Variants in TRIM26 observed in about 807,000 individuals in gnomAD.
TRIM26 encodes tripartite motif containing 26.
Under a neutral mutation model 45.5 loss-of-function variants are expected in TRIM26, and 16 were observed. The ratio of observed to expected loss-of-function variants is 0.35; its 90% CI spans 0.24 to 0.53. The LOEUF (loss-of-function observed/expected upper bound fraction) is 0.53. TRIM26 is among the 20% of genes least tolerant of loss of function. The pLI, the probability that TRIM26 is intolerant of heterozygous loss-of-function variation, is 0.92. For missense variants in TRIM26, 442 were observed against 691.1 expected, an observed-to-expected ratio of 0.64 and a Z score of 4.04; for synonymous variants, 273 against 290.4, an observed-to-expected ratio of 0.94 and a Z score of 0.61.
chr6:30,198,652 T>G lies in TRIM26; in HGVS notation c.438+14A>C. On this transcript the variant is annotated intron_variant, in intron 4 of 9. Transcript: ENST00000454678. The surrounding 1 kb of genome is among the most constrained non-coding windows in gnomAD (Gnocchi z 6.3). ...GAAGGTGGCAAGGCACCCTCGGGGGTGAAGAGGGCTTACCCTGTGGGGCTG... is the reference window on the plus strand; with the variant it reads ...GAAGGTGGCAAGGCACCCTCGGGGGGGAAGAGGGCTTACCCTGTGGGGCTG... 6.2e-7 allele frequency: 1 copy of G among 1,603,126 alleles called. No homozygotes were observed. Among genetic ancestry groups the G allele is most frequent in the South Asian group, 1.1e-5 (1 of 90,846 alleles).
At chr6:30,200,108 T>C (rs1776993024) in intron 3 of TRIM26, among the ~76,000 whole-genome samples, 1 of 152,060 alleles carries the variant, frequency 6.6e-6, no homozygotes, top group Admixed American at 6.6e-5. Flanking sequence ...CTGTCTCAAC[T>C]AAAAAAATTT....
chr6:30,194,983 AG>A (rs1367227555), intron 6 of TRIM26, among the ~76,000 whole-genome samples: 2 of 152,208 alleles, frequency 1.3e-5, no homozygotes, highest in African/African-American at 4.8e-5. Flanking sequence ...AAACAAAAAA[AG>A]AAACCTACCA....
intron 3 of TRIM26, 104 bp from the exon 4 acceptor site, chr6:30,199,368 T>C: frequency 4.8e-6 from 2 of 414,914 alleles, no homozygotes; most frequent in Non-Finnish European, 8.5e-6. Flanking sequence ...ATTAGCTTGG[T>C]AGAGTGAAGA....
At position 30,189,063 on chromosome 6, in the gene TRIM26, G is replaced by A; in HGVS notation, c.937+104C>T. On this transcript the variant is annotated intron_variant, in intron 9 of 9. Transcript: ENST00000454678. This position sits in a 1 kb window ranked among gnomAD's most constrained non-coding sequence, Gnocchi z 5.0. ...ATTGTGCAGCTGGGAAATTCTTCCT[G>A]TTGCAAAAGGGGCTACCTGGGGGAA... 1 of 1,309,534 alleles carries A rather than the reference G, an allele frequency of 7.6e-7. No individual in the cohort carries two copies. The highest frequency in any genetic ancestry group is 1.1e-6 in the Non-Finnish European group (1 of 943,190). 81.1% of individuals were successfully genotyped at this position (1,309,534 alleles called of 1,614,324 possible).
At chr6:30,192,936 T>C (rs981901757) in intron 6 of TRIM26, among the ~76,000 whole-genome samples, 1 of 151,490 alleles carries the variant, frequency 6.6e-6, no homozygotes, top group Non-Finnish European at 1.5e-5. Context: ...ATGTTCTTGG[T>C]TCCTTTGTTG....
rs1463730003 is a variant in TRIM26 at position 30,198,332 on chromosome 6, G to A, written c.534+97C>T. 15 of 1,324,630 alleles carry A rather than the reference G, an allele frequency of 1.1e-5. No individual in the cohort carries two copies. The highest frequency in any genetic ancestry group is 1.5e-5 in the African/African-American group (1 of 68,948). 82.1% of individuals were successfully genotyped at this position (1,324,630 alleles called of 1,614,324 possible). A position where few individuals can be genotyped will look rare whatever the true frequency, so the allele number is the denominator to read the frequency against. On this transcript the variant is annotated intron_variant, in intron 5 of 9. Coordinates refer to ENST00000454678, the MANE Select transcript of TRIM26 (RefSeq NM_003449.5). This position sits in a 1 kb window ranked among gnomAD's most constrained non-coding sequence, Gnocchi z 6.3. ...GACACCCATCCTCCCTGTGAGCAGC[G>A]CCTAGAAACACCTCCCAGCTGCCGC...
rs1775674482 is a variant in TRIM26, at chr6:30,190,166, C to G, written c.766-131G>C. ...CAAATGTGGTCCCTTTTTTATGGAGCTGACATTCCAGTGGGGTCACTGCAT... is the reference window on the plus strand; with the variant it reads ...CAAATGTGGTCCCTTTTTTATGGAGGTGACATTCCAGTGGGGTCACTGCAT... On this transcript the variant is annotated intron_variant, in intron 6 of 9. Transcript: ENST00000454678. The surrounding 1 kb of genome is among the most constrained non-coding windows in gnomAD (Gnocchi z 4.3). 1 of 974,958 alleles carries G rather than the reference C, an allele frequency of 1.0e-6. No homozygotes were observed. Among genetic ancestry groups the G allele is most frequent in the Non-Finnish European group, 1.6e-6 (1 of 636,562 alleles). 60.4% of individuals were successfully genotyped at this position (974,958 alleles called of 1,614,324 possible).
Position 30,186,175 on chromosome 6 carries a change from C to T in TRIM26, c.1321G>A (p.Val441Met). ...TTCCTCTTCACAGAGTCTCTAGCCA[C>T]CCCCACCATGCAGCTTTCCAGAACT... ...EEVLESCMVG[V>M]ARDSVKRKGD... The change falls in exon 10 of 10, where the codon GTG becomes ATG. Residue 441 changes from valine (V) to methionine (M), a missense_variant. Val to Met is a conservative substitution (Grantham distance 21). Transcript: ENST00000454678. This position sits in a 1 kb window ranked among gnomAD's most constrained non-coding sequence, Gnocchi z 7.4. The T allele has an allele frequency of 6.3e-7, 1 of 1,597,576 alleles. No individual in the cohort carries two copies. The highest frequency in any genetic ancestry group is 1.7e-4 in the Middle Eastern group (1 of 6,046).
chr6:30,196,043 C>G lies in TRIM26; in HGVS notation c.765+473G>C, dbSNP rs1282032904. Among the ~76,000 whole-genome samples the G allele has an allele frequency of 6.6e-6, 1 of 152,176 alleles. No individual in the cohort carries two copies. Among genetic ancestry groups the G allele is most frequent in the Non-Finnish European group, 1.5e-5 (1 of 68,036 alleles). On this transcript the variant is annotated intron_variant, in intron 6 of 9. Transcript: ENST00000454678. This position sits in a 1 kb window ranked among gnomAD's most constrained non-coding sequence, Gnocchi z 4.9. Reference sequence around the variant, plus strand: ...GGTAATCCCATGGGCCAAAGAAAACCTGGCCATCTCTGTCTCCCTTCCCCA... The same window carrying G: ...GGTAATCCCATGGGCCAAAGAAAACGTGGCCATCTCTGTCTCCCTTCCCCA...
At chr6:30,208,222 A>G (rs909775665) in intron 1 of TRIM26, among the ~76,000 whole-genome samples, 2 of 152,242 alleles carry the variant, frequency 1.3e-5, no homozygotes, top group South Asian at 4.1e-4. Context: ...CTTTCTCTCC[A>G]GCAAGATGGT....
At chr6:30,212,415 T>C (rs117964371) in intron 1 of TRIM26, among the ~76,000 whole-genome samples, 205 of 152,338 alleles carry the variant, frequency 1.3e-3, no homozygotes, top group East Asian at 0.011. Context: ...TGTATTGATA[T>C]TGGTTAACTG....
intron 3 of TRIM26, among the ~76,000 whole-genome samples, 187 bp downstream of exon 3, chr6:30,200,848 G>T (rs1489408195): frequency 1.3e-5 from 2 of 152,232 alleles, no homozygotes; most frequent in Non-Finnish European, 2.9e-5. Context: ...AAAGTGCTAA[G>T]CACAAGCCTG....
rs1775729509 is a variant in TRIM26, at chr6:30,190,568, G to A, written c.766-533C>T. ...AACCCCCGGAGTTATTGCTGGTCAG[G>A]CGGCCACCTGGGAAGACTACATTTT... On this transcript the variant is annotated intron_variant, in intron 6 of 9. Coordinates refer to ENST00000454678, the MANE Select transcript of TRIM26 (RefSeq NM_003449.5). This position sits in a 1 kb window ranked among gnomAD's most constrained non-coding sequence, Gnocchi z 4.3. 6.6e-6 allele frequency among the ~76,000 whole-genome samples: 1 copy of A among 152,136 alleles called. No individual in the cohort carries two copies. The highest frequency in any genetic ancestry group is 2.4e-5 in the African/African-American group (1 of 41,410).
At position 30,190,550 on chromosome 6, in the gene TRIM26, G is replaced by A. The variant is rs976747993; in HGVS notation, c.766-515C>T. 2.0e-5 allele frequency among the ~76,000 whole-genome samples: 3 copies of A among 152,068 alleles called. No individual in the cohort carries two copies. The highest frequency in any genetic ancestry group is 1.9e-4 in the East Asian group (1 of 5,196). ...TCCTCCTTTTAATAATAGAACCCCC[G>A]GAGTTATTGCTGGTCAGGCGGCCAC... On this transcript the variant is annotated intron_variant, in intron 6 of 9. Transcript: ENST00000454678. This position sits in a 1 kb window ranked among gnomAD's most constrained non-coding sequence, Gnocchi z 4.3.
At chr6:30,205,819 G>A (rs1031619252) in intron 1 of TRIM26, among the ~76,000 whole-genome samples, 2 of 152,234 alleles carry the variant, frequency 1.3e-5, no homozygotes, top group African/African-American at 4.8e-5. Context: ...TCCAGCCTGG[G>A]TGAAACTCTG....
intron 1 of TRIM26, among the ~76,000 whole-genome samples, chr6:30,211,596 A>T (rs1778293954): frequency 6.6e-6 from 1 of 152,126 alleles, no homozygotes; most frequent in Non-Finnish European, 1.5e-5. Flanking sequence ...CCTCTTAACA[A>T]GGGGAAAATA....
rs1775679886 is a variant in TRIM26, at chr6:30,190,200, A to G, written c.766-165T>C. ...CAGTGGGGTCACTGCATAAAACAAC[A>G]AGAAAACAAACAAAATCGGCACAAT... On this transcript the variant is annotated intron_variant, in intron 6 of 9. Coordinates refer to ENST00000454678, the MANE Select transcript of TRIM26 (RefSeq NM_003449.5). The surrounding 1 kb of genome is among the most constrained non-coding windows in gnomAD (Gnocchi z 4.3). 2.8e-6 allele frequency: 2 copies of G among 720,572 alleles called. No individual in the cohort carries two copies. Among genetic ancestry groups the G allele is most frequent in the Non-Finnish European group, 4.6e-6 (2 of 433,510 alleles). 44.6% of individuals were successfully genotyped at this position (720,572 alleles called of 1,614,324 possible). A position where few individuals can be genotyped will look rare whatever the true frequency, so the allele number is the denominator to read the frequency against.
In TRIM26 at chr6:30,186,279, C is replaced by A; in HGVS notation, c.1217G>T (p.Gly406Val). Residue 406 changes from glycine to valine, a missense_variant, in exon 10 of 10, where the codon GGA (glycine) becomes GTA (valine). Transcript: ENST00000454678. This position sits in a 1 kb window ranked among gnomAD's most constrained non-coding sequence, Gnocchi z 7.4. ...EEEEEAGYGD[G>V]YDDWETDEDE... ...TTCGTCCGTTTCCCAGTCGTCATAT[C>A]CATCCCCATAGCCGGCCTCCTCTTC... The A allele has an allele frequency of 6.2e-7, 1 of 1,608,452 alleles. No homozygotes were observed. Among genetic ancestry groups the A allele is most frequent in the Non-Finnish European group, 8.5e-7 (1 of 1,176,672 alleles).
chr6:30,203,689 T>C lies in TRIM26; in HGVS notation c.-266+967A>G, dbSNP rs142862820. Reference sequence around the variant, plus strand: ...GCCTTGGCTTCCCAAAGTGCTGGGATTACAGGTGTGAGCCACCGCGCCCGG... The same window carrying C: ...GCCTTGGCTTCCCAAAGTGCTGGGACTACAGGTGTGAGCCACCGCGCCCGG... On this transcript the variant is annotated intron_variant, in intron 2 of 9. Transcript: ENST00000454678. 4.4e-3 allele frequency among the ~76,000 whole-genome samples: 673 copies of C among 152,260 alleles called. 2 individuals carry two copies. The highest frequency in any genetic ancestry group is 0.011 in the African/African-American group (475 of 41,540).
Sources: allele counts gnomAD v4.1 joint callset (sites outside exome capture counted in the v4.1 genomes callset), GRCh38; gene constraint gnomAD v4.1.1; non-coding constraint Gnocchi (gnomAD v3.1); transcripts MANE v1.5; gene names NCBI Gene and HGNC (gene_info 2026-07-23, HGNC 2026-07-21).